DNAH10: variants seen among roughly 807,000 people sequenced by gnomAD.
DNAH10 encodes the protein axonemal beta dynein heavy chain 10.
A neutral mutation model predicts 506.6 loss-of-function variants in DNAH10; 348 were observed. The ratio of observed to expected loss-of-function variants is 0.69; its 90% CI spans 0.63 to 0.75. DNAH10 has a LOEUF of 0.75. Among genes scored for constraint, DNAH10 ranks in the 30% least tolerant of loss-of-function variants. The pLI is 0.00. For synonymous variants in DNAH10, 2,059 were observed against 2,198.6 expected, an observed-to-expected ratio of 0.94 and a Z score of 1.78; for missense variants, 5,179 against 5,787.1, an observed-to-expected ratio of 0.89 and a Z score of 3.41.
At chr12:123,904,529 G>A (rs1371879440) in intron 57 of DNAH10, among the ~76,000 whole-genome samples, 1 of 152,144 alleles carries the variant, frequency 6.6e-6, no homozygotes. Flanking sequence ...GAGTGGGGGG[G>A]AGCTTCCATG....
chr12:123,814,708 A>G (rs144684021), intron 21 of DNAH10, among the ~76,000 whole-genome samples: 2,005 of 140,864 alleles, frequency 0.014, 59 homozygotes, highest in African/African-American at 0.051. Flanking sequence ...TCCGCCTCCC[A>G]GGTTCACGCC....
rs1235785336 is a variant in DNAH10, at chr12:123,931,413, A to C, written c.12857A>C (p.Tyr4286Ser). The C allele has an allele frequency of 2.5e-6, 4 of 1,613,988 alleles. No individual in the cohort carries two copies. The highest frequency in any genetic ancestry group is 2.5e-6 in the Non-Finnish European group (3 of 1,179,892). Reference sequence around the variant, plus strand: ...CTCCACCCCAACGCTGAGATTGGCTATTACACGCAGGCGGCTCGAGACATG... The same window carrying C: ...CTCCACCCCAACGCTGAGATTGGCTCTTACACGCAGGCGGCTCGAGACATG... ...FGLHPNAEIG[Y>S]YTQAARDMWA... The change falls in exon 74 of 79, where the codon TAT becomes TCT. Residue 4286 changes from tyrosine to serine, a missense_variant. Transcript: ENST00000673944.
Position 123,881,673 on chromosome 12 carries a change from C to T in DNAH10, c.8683C>T (p.Leu2895Phe). The change falls in exon 51 of 79, where the codon CTC becomes TTC. Residue 2895 changes from leucine (L) to phenylalanine (F), a missense_variant. Leu to Phe is a conservative substitution (Grantham distance 22, BLOSUM62 0). Around this residue, in one of 3 missense-constraint regions of DNAH10, gnomAD observed 4,844 missense variants for 5,430.5 expected, o/e 0.89. Transcript: ENST00000673944. ...NESNTKMNLV[L>F]FDDALEHLTR... ...AAGCAACACCAAAATGAACTTGGTT[C>T]TCTTCGACGATGCTCTGGAGCATTT... The T allele has an allele frequency of 1.3e-6, 2 of 1,543,832 alleles. No individual in the cohort carries two copies.
intron 11 of DNAH10, among the ~76,000 whole-genome samples, chr12:123,791,542 G>C (rs1448404406): frequency 1.3e-5 from 2 of 151,996 alleles, no homozygotes; most frequent in African/African-American, 4.8e-5. Flanking sequence ...AGTGTTACTT[G>C]CTTTTTCAGT....
At position 123,930,421 on chromosome 12, in the gene DNAH10, C is replaced by A; in HGVS notation, c.12632C>A (p.Ala4211Asp). 6.3e-7 allele frequency: 1 copy of A among 1,587,162 alleles called. No homozygotes were observed. ...TTTCAGGTCATGTATGGAGGACGGG[C>A]CATCGACAGCTTTGATCGCCGCATC... ...LIGEVMYGGR[A>D]IDSFDRRILT... The change falls in exon 73 of 79, where the codon GCC (alanine) becomes GAC (aspartate). Residue 4211 changes from alanine to aspartate, a missense_variant. Transcript: ENST00000673944.
chr12:123,851,178 G>C (rs1951148821), intron 35 of DNAH10, 102 bp downstream of exon 35: 3 of 1,281,780 alleles, frequency 2.3e-6, no homozygotes, highest in Admixed American at 2.8e-5. Flanking sequence ...GGCTCTTCCA[G>C]ACGGGACCTA....
chr12:123,837,118 T>A (rs1961230593), intron 28 of DNAH10, among the ~76,000 whole-genome samples: 1 of 144,608 alleles, frequency 6.9e-6, no homozygotes, highest in African/African-American at 2.6e-5. Context: ...CCAAAAGTGC[T>A]GGGATTACAG....
chr12:123,880,184 C>A (rs1482611737), intron 50 of DNAH10, among the ~76,000 whole-genome samples: 1 of 152,070 alleles, frequency 6.6e-6, no homozygotes, highest in Non-Finnish European at 1.5e-5. Flanking sequence ...ATGGAAATCT[C>A]GATTGTGAAA....
intron 77 of DNAH10, chr12:123,934,311 G>GACTTA: frequency 2.9e-6 from 2 of 686,250 alleles, no homozygotes; most frequent in Non-Finnish European, 5.3e-6. Context: ...CTAGCCTGGG[G>GACTTA]GCCCAGGGTG....
chr12:123,833,227 G>C lies in DNAH10; in HGVS notation c.4659G>C (p.Gln1553His), dbSNP rs753312917. 9 of 1,613,862 alleles carry C rather than the reference G, an allele frequency of 5.6e-6. No homozygotes were observed. Among genetic ancestry groups the C allele is most frequent in the Non-Finnish European group, 7.6e-6 (9 of 1,179,854 alleles). The change falls in exon 27 of 79, where the codon CAG becomes CAC. Residue 1553 changes from glutamine (Q) to histidine (H), a missense_variant. By Grantham distance (24) the Gln-to-His change is conservative. This residue lies in a region of DNAH10 where 4,844 missense variants were observed against 5,430.5 expected (regional missense o/e 0.89). Transcript: ENST00000673944. Reference sequence around the variant, plus strand: ...TGGGTTCTGTTGACGAAATTATTCAGTCTCTTGATGACAACACTTTCAACC... The same window carrying C: ...TGGGTTCTGTTGACGAAATTATTCACTCTCTTGATGACAACACTTTCAACC... The part of the protein sequence containing the change: ...YILGSVDEII[Q>H]SLDDNTFNLQ...
chr12:123,839,788 G>A lies in DNAH10; in HGVS notation c.5136+1099G>A, dbSNP rs1318331701. On this transcript the variant is annotated intron_variant, in intron 29 of 78. Transcript: ENST00000673944. ...CGCCATTCTCCTGCCTCAGCCTCCCGAGTAGCTGGGACTACAGGCGCCAGC... is the reference window on the plus strand; with the variant it reads ...CGCCATTCTCCTGCCTCAGCCTCCCAAGTAGCTGGGACTACAGGCGCCAGC... Among the ~76,000 whole-genome samples the A allele has an allele frequency of 2.0e-5, 3 of 150,162 alleles. 1 individual carries two copies. The highest frequency in any genetic ancestry group is 7.4e-5 in the African/African-American group (3 of 40,698).
intron 2 of DNAH10, among the ~76,000 whole-genome samples, chr12:123,769,420 A>C (rs1593961117): frequency 6.6e-6 from 1 of 150,992 alleles, no homozygotes; most frequent in Admixed American, 6.6e-5. Context: ...CAGGTGATCC[A>C]CCCACCTCGG....
intron 36 of DNAH10, among the ~76,000 whole-genome samples, chr12:123,855,210 T>C (rs1951337909): frequency 6.6e-6 from 1 of 152,118 alleles, no homozygotes. Context: ...AGAGAAGACA[T>C]ACCCACATTT....
intron 60 of DNAH10, among the ~76,000 whole-genome samples, chr12:123,914,065 C>T (rs953015852): frequency 2.6e-5 from 4 of 152,302 alleles, no homozygotes; most frequent in Middle Eastern, 3.4e-3. Context: ...ATATGATCCA[C>T]GCAATGTGAT....
In DNAH10 at chr12:123,875,375, G is replaced by A. The variant is rs764124967; in HGVS notation, c.8083G>A (p.Gly2695Ser). ...FIAAMGKAGGGRNEVDPRFIS... is the reference protein window; with the variant it reads ...FIAAMGKAGGSRNEVDPRFIS... ...TGCTGCAATGGGAAAGGCTGGAGGA[G>A]GCCGCAATGAAGTTGACCCAAGATT... is the stretch of plus-strand genomic sequence containing the variant. The change falls in exon 47 of 79, where the codon GGC becomes AGC. Residue 2695 changes from glycine (G) to serine (S), a missense_variant. Around this residue, in one of 3 missense-constraint regions of DNAH10, gnomAD observed 4,844 missense variants for 5,430.5 expected, o/e 0.89. Coordinates refer to ENST00000673944, the MANE Select transcript of DNAH10 (RefSeq NM_001372106.1). The A allele has an allele frequency of 6.2e-7, 1 of 1,614,000 alleles. No individual in the cohort carries two copies. The highest frequency in any genetic ancestry group is 8.5e-7 in the Non-Finnish European group (1 of 1,179,900).
intron 72 of DNAH10, chr12:123,930,043 TC>T: frequency 1.8e-6 from 1 of 551,036 alleles, no homozygotes; most frequent in Non-Finnish European, 3.2e-6. Flanking sequence ...ACAGGAAGCA[TC>T]CCCGGTGGTC....
chr12:123,802,766 G>T, intron 16 of DNAH10, among the ~76,000 whole-genome samples: 1 of 148,974 alleles, frequency 6.7e-6, no homozygotes, highest in African/African-American at 2.5e-5. Context: ...CCATCTGATA[G>T]CTGTGTAATG....
Position 123,808,946 on chromosome 12 carries a change from T to A in DNAH10, c.3137T>A (p.Ile1046Asn), listed in dbSNP as rs752873713. 2 of 1,613,978 alleles carry A rather than the reference T, an allele frequency of 1.2e-6. No individual in the cohort carries two copies. Among genetic ancestry groups the A allele is most frequent in the South Asian group, 2.2e-5 (2 of 91,052 alleles). Residue 1046 changes from isoleucine (I) to asparagine (N), a missense_variant, in exon 19 of 79, where the codon ATC (isoleucine) becomes AAC (asparagine). Coordinates refer to ENST00000673944, the MANE Select transcript of DNAH10 (RefSeq NM_001372106.1). ...CFHCVRNCVE[I>N]TKHFVRWMNG... ...CATTGTGTCCGGAATTGCGTGGAGATCACCAAGGTGAGAGCGGAGGTGCTT... is the reference window on the plus strand; with the variant it reads ...CATTGTGTCCGGAATTGCGTGGAGAACACCAAGGTGAGAGCGGAGGTGCTT...
At chr12:123,869,917 T>A (rs1370193037) in intron 43 of DNAH10, among the ~76,000 whole-genome samples, 1 of 152,214 alleles carries the variant, frequency 6.6e-6, no homozygotes, top group Non-Finnish European at 1.5e-5. Context: ...TTGTCCGTTG[T>A]TCCTGCCCCT....
Sources: allele counts gnomAD v4.1 joint callset (sites outside exome capture counted in the v4.1 genomes callset), GRCh38; gene constraint gnomAD v4.1.1; regional missense constraint gnomAD v4.1.1; transcripts MANE v1.5; gene names NCBI Gene and HGNC (gene_info 2026-07-23, HGNC 2026-07-21).